The following MOB4 variants were observed in gnomAD, a reference collection of about 807,000 sequenced individuals.
The protein encoded by MOB4 is MOB family member 4, phocein, also known as MOB-like protein phocein.
A neutral mutation model predicts 32.2 loss-of-function variants in MOB4; 4 were observed. The observed-to-expected ratio is 0.12, with a 90% CI of 0.06 to 0.28. The LOEUF is 0.28. MOB4 is among the 10% of genes least tolerant of loss of function. The pLI is 1.00. For missense variants in MOB4, 158 were observed against 271.2 expected (o/e 0.58, Z 2.93); for synonymous variants, 88 against 88.1 (o/e 1.00, Z 0.01).
At chr2:197,536,975 A>T (rs1057106733) in intron 3 of MOB4, among the ~76,000 whole-genome samples, 3 of 151,896 alleles carry the variant, frequency 2.0e-5, no homozygotes, top group African/African-American at 7.3e-5. Flanking sequence ...CCTGGGCTCA[A>T]GTGATCCTCC....
At chr2:197,524,043 C>T (rs1271088626) in intron 2 of MOB4, among the ~76,000 whole-genome samples, 4 of 152,148 alleles carry the variant, frequency 2.6e-5, no homozygotes, top group Non-Finnish European at 1.5e-5. Flanking sequence ...AGTTCAAGAC[C>T]AGCCTGAGCG....
chr2:197,518,455 T>G (rs1461986949), intron 1 of MOB4, among the ~76,000 whole-genome samples: 3 of 148,972 alleles, frequency 2.0e-5, no homozygotes, highest in Non-Finnish European at 4.5e-5. Flanking sequence ...AGAAACTGGG[T>G]TTCACCATGT....
At chr2:197,532,643 G>A (rs989438313) in intron 2 of MOB4, among the ~76,000 whole-genome samples, 148 of 152,046 alleles carry the variant, frequency 9.7e-4, no homozygotes, top group African/African-American at 3.3e-3. Flanking sequence ...CCGAGATAGC[G>A]CCACTGCACT....
intron 5 of MOB4, among the ~76,000 whole-genome samples, chr2:197,546,111 G>GAGTGC (rs1426837996): frequency 1.3e-5 from 2 of 151,836 alleles, no homozygotes; most frequent in African/African-American, 4.8e-5. Context: ...GCCCAGGCTG[G>GAGTGC]AGTGCAGTGG....
At chr2:197,516,010 C>A (rs2086402435), upstream of MOB4, 72 of 1,440,208 alleles carry the variant, frequency 5.0e-5, 1 homozygote, top group South Asian at 8.3e-4. Context: ...ACGCAGAGCG[C>A]CGCTCTGCCC....
At chr2:197,529,648 G>A (rs1333944801) in intron 2 of MOB4, among the ~76,000 whole-genome samples, 1 of 151,820 alleles carries the variant, frequency 6.6e-6, no homozygotes, top group Non-Finnish European at 1.5e-5. Context: ...CACTGTGCCC[G>A]GCCTTATTTT....
At chr2:197,534,185 G>A (rs956613029) in intron 2 of MOB4, among the ~76,000 whole-genome samples, 4 of 152,212 alleles carry the variant, frequency 2.6e-5, no homozygotes, top group Admixed American at 6.5e-5. Context: ...GTAAGCAAGT[G>A]ATATTCAAGA....
chr2:197,547,991 A>G (rs529659176), intron 5 of MOB4, among the ~76,000 whole-genome samples: 2 of 152,286 alleles, frequency 1.3e-5, no homozygotes, highest in African/African-American at 4.8e-5. Context: ...AGTGCTAGGG[A>G]CATAATAAGG....
rs1253788901 is a variant in MOB4 at position 197,552,126 on chromosome 2, G to A, written c.*1480G>A. ...GAACAGTAGTATACTGAGAGTGTGT[G>A]TATGTATAGTGTATGCCTTTCCAAG... On this transcript the variant is annotated 3_prime_UTR_variant, in exon 8 of 8. Transcript: ENST00000323303. 2 of 152,308 alleles carry A rather than the reference G, an allele frequency of 1.3e-5. No homozygotes were observed. The highest frequency in any genetic ancestry group is 4.8e-5 in the African/African-American group (2 of 41,452). The allele number at this position is 152,308 out of a possible 1,614,324, so 9.4% of individuals were successfully genotyped here.
At chr2:197,519,149 G>A (rs1398908510) in intron 1 of MOB4, among the ~76,000 whole-genome samples, 3 of 152,198 alleles carry the variant, frequency 2.0e-5, no homozygotes, top group Non-Finnish European at 4.4e-5. Flanking sequence ...TCCCGCCTCA[G>A]CCTCCCAAAG....
chr2:197,521,312 G>T (rs1157852599), intron 1 of MOB4, among the ~76,000 whole-genome samples: 4 of 152,278 alleles, frequency 2.6e-5, no homozygotes, highest in African/African-American at 9.6e-5. Flanking sequence ...TTTCAAAAGG[G>T]GAGGGAGTGT....
intron 5 of MOB4, among the ~76,000 whole-genome samples, chr2:197,543,358 C>T (rs2086932268): frequency 6.6e-6 from 1 of 151,622 alleles, no homozygotes. Context: ...TATTAAGGCA[C>T]ATCTCAAAAC....
chr2:197,534,405 A>G (rs1447935973), intron 2 of MOB4, among the ~76,000 whole-genome samples: 1 of 151,992 alleles, frequency 6.6e-6, no homozygotes, highest in African/African-American at 2.4e-5. Flanking sequence ...TTTTTTTTAA[A>G]CTTAGTTTTT....
rs774076313 is a variant in MOB4 at position 197,516,118 on chromosome 2, G to A, written c.32G>A (p.Arg11Lys). The change falls in exon 1 of 8, where the codon AGG (arginine) becomes AAG (lysine). Residue 11 changes from arginine to lysine, a missense_variant. Physicochemically the swap from Arg to Lys is conservative, Grantham distance 26. Coordinates refer to ENST00000323303, the MANE Select transcript of MOB4 (RefSeq NM_015387.5). MVMAEGTAVL[R>K]RNRPGTKAQD... The stretch of plus-strand genomic sequence containing the variant: ...ATGGCGGAGGGGACGGCAGTGCTGA[G>A]GCGGAACAGGCCGGGCACCAAGGCG... 1.9e-5 allele frequency: 30 copies of A among 1,604,532 alleles called. No homozygotes were observed. The highest frequency in any genetic ancestry group is 3.4e-5 in the South Asian group (3 of 89,152).
chr2:197,533,140 A>G (rs987871439), intron 2 of MOB4, among the ~76,000 whole-genome samples: 2 of 152,270 alleles, frequency 1.3e-5, no homozygotes, highest in Middle Eastern at 3.4e-3. Context: ...GTGTAGTGGG[A>G]ACAGGAAAGA....
At chr2:197,523,087 A>G (rs1474270707) in intron 1 of MOB4, among the ~76,000 whole-genome samples, 1 of 152,020 alleles carries the variant, frequency 6.6e-6, no homozygotes. Context: ...CTTTTGGTAA[A>G]AATCTGATTT....
At chr2:197,543,163 G>A (rs370630698) in intron 5 of MOB4, among the ~76,000 whole-genome samples, 6 of 152,176 alleles carry the variant, frequency 3.9e-5, no homozygotes, top group African/African-American at 1.4e-4. Context: ...TGTGATGGGT[G>A]TGCACATGTA....
intron 6 of MOB4, 51 bp from the exon 7 acceptor site, chr2:197,550,224 C>A: frequency 6.6e-7 from 1 of 1,525,316 alleles, no homozygotes; most frequent in Non-Finnish European, 8.9e-7. Context: ...CTATATTGTT[C>A]CTAAGATTCT....
intron 2 of MOB4, among the ~76,000 whole-genome samples, chr2:197,531,079 G>A (rs1345138709): frequency 1.4e-5 from 2 of 146,468 alleles, no homozygotes; most frequent in Admixed American, 6.9e-5. Flanking sequence ...GCAGAGTCTC[G>A]CTCTTTCTCC....
Sources: gnomAD v4.1 joint callset for allele counts (sites outside exome capture counted in the v4.1 genomes callset) on GRCh38, gnomAD v4.1.1 for gene constraint, MANE v1.5 for transcripts, NCBI Gene and HGNC (gene_info 2026-07-23, HGNC 2026-07-21) for gene names.